Variants in SASS6 observed in about 807,000 individuals in gnomAD.
SASS6 encodes the protein spindle assembly abnormal protein 6 homolog.
A neutral mutation model predicts 94.9 loss-of-function variants in SASS6; 59 were observed. That is an observed-to-expected ratio of 0.62 (90% CI 0.50 to 0.77). The LOEUF (loss-of-function observed/expected upper bound fraction) is 0.77, where lower values mean the gene tolerates loss of function less well. Ranked by LOEUF, SASS6 falls within the 30% of genes least tolerant of loss-of-function variation. SASS6 has a pLI of 0.00. For synonymous variants in SASS6, 264 were observed against 270.0 expected (o/e 0.98, Z 0.22); for missense variants, 698 against 734.1 (o/e 0.95, Z 0.57).
chr1:100,107,445 C>T lies in SASS6; in HGVS notation c.1255G>A (p.Glu419Lys). Residue 419 changes from glutamate to lysine, a missense_variant, in exon 11 of 17, where the codon GAG becomes AAG. Physicochemically the swap from Glu to Lys is moderately conservative, Grantham distance 56. Transcript: ENST00000287482. The part of the protein sequence containing the change: ...IQQEKLLAEK[E>K]EKLQKEQKEL... ...TTTTGTTCCTTTTGTAATTTTTCCT[C>T]CTTCTCAGCCAAGAGTTTTTCTTGC... The T allele has an allele frequency of 1.9e-6, 3 of 1,610,184 alleles. No homozygotes were observed. Among genetic ancestry groups the T allele is most frequent in the East Asian group, 2.2e-5 (1 of 44,670 alleles).
chr1:100,126,680 G>A (rs532877326), intron 1 of SASS6, among the ~76,000 whole-genome samples: 2 of 152,280 alleles, frequency 1.3e-5, no homozygotes, highest in South Asian at 4.1e-4. Flanking sequence ...GGGAGGCTGA[G>A]GTTGGAGAAA....
At chr1:100,132,434 T>G (rs1054753538) in intron 1 of SASS6, among the ~76,000 whole-genome samples, 3 of 152,136 alleles carry the variant, frequency 2.0e-5, no homozygotes, top group African/African-American at 4.8e-5. Context: ...TTAACTTCTC[T>G]GGGCCAGAGT....
In SASS6 at chr1:100,119,010, G is replaced by A. The variant is rs1250505581; in HGVS notation, c.669+8C>T. 6 of 1,546,398 alleles carry A rather than the reference G, an allele frequency of 3.9e-6. No individual in the cohort carries two copies. The South Asian group carries it at 6.4e-5, about 17-fold the overall frequency. On this transcript the variant is annotated splice_region_variant and intron_variant, in intron 7 of 16. Coordinates refer to ENST00000287482, the MANE Select transcript of SASS6 (RefSeq NM_194292.3). ...AGATATTTTTTCAGTTTCCTTTAAT[G>A]TTCTTACCTGCAAGGCTTTTTCCTT...
intron 2 of SASS6, among the ~76,000 whole-genome samples, chr1:100,125,669 CAAAAAAAAAA>C (rs11299065): frequency 1.2e-5 from 1 of 80,360 alleles, no homozygotes; most frequent in African/African-American, 4.4e-5. Context: ...GACTCCATCT[CAAAAAAAAAA>C]AAAAAAAAAA....
intron 14 of SASS6, among the ~76,000 whole-genome samples, chr1:100,096,445 A>G (rs1050284786): frequency 2.0e-5 from 3 of 152,240 alleles, no homozygotes; most frequent in African/African-American, 7.2e-5. Flanking sequence ...GTAGAAGAAA[A>G]CAAAGGAGAA....
chr1:100,109,788 C>T (rs1311604591), intron 8 of SASS6, among the ~76,000 whole-genome samples: 1 of 151,808 alleles, frequency 6.6e-6, no homozygotes, highest in African/African-American at 2.4e-5. Flanking sequence ...TAGTTCCTAC[C>T]TTAAATAACT....
rs150388195 is a variant in SASS6, at chr1:100,123,713, A to G, written c.127-424T>C. ...AGTGGCAAATATATCAGCAGAACTG[A>G]CAATAATCCACACTAGAAAAAAGAG... On this transcript the variant is annotated intron_variant, in intron 2 of 16. Transcript: ENST00000287482. Among the ~76,000 whole-genome samples the G allele has an allele frequency of 2.3e-3, 351 of 152,356 alleles. 2 individuals are homozygous for G. Among genetic ancestry groups the G allele is most frequent in the Non-Finnish European group, 4.4e-3 (297 of 68,032 alleles).
intron 13 of SASS6, among the ~76,000 whole-genome samples, chr1:100,104,585 G>A (rs535379697): frequency 6.6e-6 from 1 of 151,534 alleles, no homozygotes; most frequent in Admixed American, 6.6e-5. Flanking sequence ...TCAGTCTCCC[G>A]AGTAGCTGGG....
Position 100,125,902 on chromosome 1 carries a change from A to G in SASS6, c.106T>C (p.Ser36Pro). 1 of 1,557,846 alleles carries G rather than the reference A, an allele frequency of 6.4e-7. No homozygotes were observed. The highest frequency in any genetic ancestry group is 8.8e-7 in the Non-Finnish European group (1 of 1,138,912). ...IRMSIELQSV[S>P]NPVHRKDLVI... ...CCAACCTTTCTGTGAACTGGATTAGAAACTGATTGTAGTTCAATGCTCATT... is the reference window on the plus strand; with the variant it reads ...CCAACCTTTCTGTGAACTGGATTAGGAACTGATTGTAGTTCAATGCTCATT... The change falls in exon 2 of 17, where the codon TCT (serine) becomes CCT (proline). Residue 36 changes from serine (S) to proline (P), a missense_variant. Transcript: ENST00000287482.
intron 12 of SASS6, among the ~76,000 whole-genome samples, chr1:100,106,527 A>T (rs1652918102): frequency 6.6e-6 from 1 of 152,166 alleles, no homozygotes; most frequent in African/African-American, 2.4e-5. Flanking sequence ...TACTTTTATG[A>T]ATTCGAATAA....
intron 14 of SASS6, among the ~76,000 whole-genome samples, chr1:100,092,339 CAA>C (rs1238642130): frequency 2.6e-5 from 4 of 151,952 alleles, no homozygotes; most frequent in African/African-American, 4.8e-5. Flanking sequence ...AATTATGTAT[CAA>C]GAGAAAATAT....
chr1:100,094,553 A>G (rs1651977959), intron 14 of SASS6, among the ~76,000 whole-genome samples: 1 of 152,166 alleles, frequency 6.6e-6, no homozygotes, highest in South Asian at 2.1e-4. Flanking sequence ...AAATCAAACT[A>G]TCAGAAAATT....
At position 100,089,461 on chromosome 1, in the gene SASS6, G is replaced by A. The variant is rs77297432; in HGVS notation, c.1675-1225C>T. Among the ~76,000 whole-genome samples, 427 of 152,144 alleles carry A rather than the reference G, an allele frequency of 2.8e-3. 3 individuals are homozygous for A. The highest frequency in any genetic ancestry group is 9.9e-3 in the African/African-American group (412 of 41,544). ...CTCCACACCAAGGCATAATTAACTTGTTGAAAATGAATGATAAAGAGAAAA... is the reference window on the plus strand; with the variant it reads ...CTCCACACCAAGGCATAATTAACTTATTGAAAATGAATGATAAAGAGAAAA... On this transcript the variant is annotated intron_variant, in intron 14 of 16. Transcript: ENST00000287482.
In SASS6 at chr1:100,083,832, A is replaced by T. The variant is rs546942869; in HGVS notation, c.*1496T>A. On this transcript the variant is annotated 3_prime_UTR_variant, in exon 17 of 17. Coordinates refer to ENST00000287482, the MANE Select transcript of SASS6 (RefSeq NM_194292.3). ...GAGATACCTATATTTTAAAAAAGAG[A>T]GCTACCTGTATGTCATGCATCCCAT... 1.3e-5 allele frequency: 2 copies of T among 152,100 alleles called. No homozygotes were observed. The highest frequency in any genetic ancestry group is 4.2e-4 in the South Asian group (2 of 4,818). The allele number at this position is 152,100 out of a possible 1,614,324, so 9.4% of individuals were successfully genotyped here. A position where few individuals can be genotyped will look rare whatever the true frequency, so the allele number is the denominator to read the frequency against.
chr1:100,086,020 G>A (rs529314556), intron 15 of SASS6, among the ~76,000 whole-genome samples: 4 of 151,956 alleles, frequency 2.6e-5, no homozygotes, highest in South Asian at 2.1e-4. Flanking sequence ...AAAGCTCTTC[G>A]AAATTTTCTA....
intron 14 of SASS6, among the ~76,000 whole-genome samples, chr1:100,089,308 C>T (rs947470160): frequency 1.3e-4 from 20 of 151,908 alleles, no homozygotes; most frequent in African/African-American, 4.8e-4. Context: ...CAAGGAGGAA[C>T]ACCAAAAAAG....
chr1:100,094,185 G>C (rs989200862), intron 14 of SASS6, among the ~76,000 whole-genome samples: 2 of 152,082 alleles, frequency 1.3e-5, no homozygotes, highest in African/African-American at 4.8e-5. Flanking sequence ...ACAACTCTTC[G>C]CACATAGCTT....
chr1:100,108,152 GTCTT>G (rs1156234872), intron 8 of SASS6, 148 bp from the exon 9 acceptor site: 4 of 492,334 alleles, frequency 8.1e-6, no homozygotes, highest in Non-Finnish European at 1.4e-5. Flanking sequence ...AAGCATAAAT[GTCTT>G]TCTAATGGTA....
At chr1:100,087,106 T>G (rs1032425701) in intron 15 of SASS6, among the ~76,000 whole-genome samples, 1 of 152,162 alleles carries the variant, frequency 6.6e-6, no homozygotes, top group Non-Finnish European at 1.5e-5. Context: ...TGCTTCAGCC[T>G]CCTGAGTAAC....
Sources: gnomAD v4.1 joint callset for allele counts (sites outside exome capture counted in the v4.1 genomes callset) on GRCh38, gnomAD v4.1.1 for gene constraint, MANE v1.5 for transcripts, NCBI Gene and HGNC (gene_info 2026-07-23, HGNC 2026-07-21) for gene names.